GMDS: variants seen among roughly 807,000 people sequenced by gnomAD.
GMDS encodes the protein GDP-mannose 4,6 dehydratase.
A neutral mutation model predicts 49.9 loss-of-function variants in GMDS; 20 were observed. The ratio of observed to expected loss-of-function variants is 0.40; its 90% CI spans 0.28 to 0.58. The LOEUF (loss-of-function observed/expected upper bound fraction) is 0.58, where lower values mean the gene tolerates loss of function less well. Ranked by LOEUF, GMDS falls within the 20% of genes least tolerant of loss-of-function variation. The probability of loss-of-function intolerance (pLI) is 0.42; values close to 1 mark genes in which losing one functional copy is unlikely to be tolerated. For missense variants in GMDS, 362 were observed against 481.4 expected (o/e 0.75, Z 2.32); for synonymous variants, 177 against 178.6 (o/e 0.99, Z 0.07).
intron 4 of GMDS, among the ~76,000 whole-genome samples, chr6:2,112,040 C>A (rs56951103): frequency 0.023 from 3,541 of 152,260 alleles, 155 homozygotes; most frequent in African/African-American, 0.081. Flanking sequence ...CCCTTCCCCA[C>A]GCCCGCTCTG....
At chr6:1,959,818 G>T in intron 6 of GMDS, 49 bp downstream of exon 6, 1 of 1,084,528 alleles carries the variant, frequency 9.2e-7, no homozygotes, top group Non-Finnish European at 1.4e-6. Flanking sequence ...GCAACTTGTT[G>T]TTGTTGTTCA....
At chr6:1,967,518 T>C (rs1273739382) in intron 4 of GMDS, among the ~76,000 whole-genome samples, 5 of 152,198 alleles carry the variant, frequency 3.3e-5, no homozygotes, top group African/African-American at 1.2e-4. Context: ...GCAAGACAGA[T>C]AAAACTCTCT....
chr6:1,900,310 T>C (rs1048058649), intron 7 of GMDS, among the ~76,000 whole-genome samples: 5 of 152,206 alleles, frequency 3.3e-5, no homozygotes, highest in South Asian at 4.1e-4. Context: ...TGAGGCGTTA[T>C]CATGCAGAGT....
intron 7 of GMDS, among the ~76,000 whole-genome samples, chr6:1,790,207 A>T (rs1769480607): frequency 6.6e-6 from 1 of 152,220 alleles, no homozygotes; most frequent in African/African-American, 2.4e-5. Flanking sequence ...GACAGCTCAG[A>T]AAGAAATTTT....
intron 1 of GMDS, among the ~76,000 whole-genome samples, chr6:2,150,520 A>G (rs1394841692): frequency 6.6e-6 from 1 of 152,236 alleles, no homozygotes; most frequent in Non-Finnish European, 1.5e-5. Flanking sequence ...GTATCAGATT[A>G]GCTTTACCAT....
chr6:2,132,878 G>A (rs533864879), intron 1 of GMDS, among the ~76,000 whole-genome samples: 2 of 152,172 alleles, frequency 1.3e-5, no homozygotes, highest in Non-Finnish European at 2.9e-5. Context: ...CATTAATAAA[G>A]ATTTGTACAG....
intron 9 of GMDS, among the ~76,000 whole-genome samples, chr6:1,682,460 C>T (rs1764821372): frequency 6.6e-6 from 1 of 152,226 alleles, no homozygotes; most frequent in Non-Finnish European, 1.5e-5. Context: ...CATGCTGGTG[C>T]CATTGCCACT....
chr6:2,024,413 T>C (rs1187643755), intron 4 of GMDS, among the ~76,000 whole-genome samples: 1 of 152,064 alleles, frequency 6.6e-6, no homozygotes, highest in African/African-American at 2.4e-5. Context: ...ATTACCAGCC[T>C]TATTTAAAAA....
chr6:2,131,861 C>G (rs953720010), intron 1 of GMDS, among the ~76,000 whole-genome samples: 1 of 151,070 alleles, frequency 6.6e-6, no homozygotes, highest in Non-Finnish European at 1.5e-5. Context: ...TCCTCTCCCT[C>G]CCTCCATCCC....
intron 7 of GMDS, among the ~76,000 whole-genome samples, chr6:1,883,537 T>C (rs946126758): frequency 6.6e-6 from 1 of 152,150 alleles, no homozygotes; most frequent in Admixed American, 6.5e-5. Flanking sequence ...CTTCCACATA[T>C]ATTATAAAAT....
chr6:2,160,010 C>T (rs192624124), intron 1 of GMDS, among the ~76,000 whole-genome samples: 10 of 152,080 alleles, frequency 6.6e-5, no homozygotes, highest in Admixed American at 2.0e-4. Context: ...AAATTAACAA[C>T]GAAACCTACA....
intron 4 of GMDS, among the ~76,000 whole-genome samples, chr6:2,108,258 A>C (rs541004228): frequency 6.6e-6 from 1 of 152,316 alleles, no homozygotes; most frequent in South Asian, 2.1e-4. Context: ...GAATAGGAAC[A>C]AGCTGCTCAT....
intron 7 of GMDS, among the ~76,000 whole-genome samples, chr6:1,832,120 C>T (rs994426176): frequency 4.0e-5 from 6 of 151,520 alleles, no homozygotes; most frequent in African/African-American, 1.2e-4. Flanking sequence ...TCTGGGAGGC[C>T]AAGGTGGGAG....
chr6:1,995,225 C>T (rs776050163), intron 4 of GMDS, among the ~76,000 whole-genome samples: 1 of 152,074 alleles, frequency 6.6e-6, no homozygotes, highest in Non-Finnish European at 1.5e-5. Flanking sequence ...TGCCACAGAT[C>T]GTTTACAGTG....
chr6:1,708,485 T>C (rs80018392), intron 9 of GMDS, among the ~76,000 whole-genome samples: 3,464 of 152,328 alleles, frequency 0.023, 148 homozygotes, highest in African/African-American at 0.08. Context: ...TGCCCGGGGC[T>C]AAGTCAGTCA....
At chr6:1,994,826 A>C (rs937570458) in intron 4 of GMDS, among the ~76,000 whole-genome samples, 1 of 152,110 alleles carries the variant, frequency 6.6e-6, no homozygotes, top group African/African-American at 2.4e-5. Flanking sequence ...AAGAAGAAAA[A>C]CTGATAACTC....
chr6:1,726,477 C>T lies in GMDS; in HGVS notation c.926G>A (p.Cys309Tyr), dbSNP rs1183279275. The T allele has an allele frequency of 6.2e-6, 10 of 1,613,324 alleles. No homozygotes were observed. Among genetic ancestry groups the T allele is most frequent in the Non-Finnish European group, 8.5e-6 (10 of 1,179,302 alleles). ...CACGTGAACTTTGCCGGTCTCTTTA[C>T]ATCTGCCCACTTCATTTTCATTCTT... ...EGKNENEVGRCKETGKVHVTV... is the reference protein window; with the variant it reads ...EGKNENEVGRYKETGKVHVTV... The change falls in exon 9 of 11, where the codon TGT (cysteine) becomes TAT (tyrosine). Residue 309 changes from cysteine (C) to tyrosine (Y), a missense_variant. Physicochemically the swap from Cys to Tyr is radical, Grantham distance 194. Transcript: ENST00000380815.
intron 7 of GMDS, among the ~76,000 whole-genome samples, chr6:1,783,409 T>A (rs138963244): frequency 6.6e-6 from 1 of 152,290 alleles, no homozygotes; most frequent in Non-Finnish European, 1.5e-5. Flanking sequence ...AAATTATACA[T>A]CCCTTGAGGG....
intron 8 of GMDS, among the ~76,000 whole-genome samples, chr6:1,731,164 G>A (rs1766788744): frequency 1.3e-5 from 2 of 152,204 alleles, no homozygotes; most frequent in Admixed American, 1.3e-4. Context: ...AGATACAGTT[G>A]AGGAAATCTA....
Sources: gnomAD v4.1 joint callset for allele counts (sites outside exome capture counted in the v4.1 genomes callset) on GRCh38, gnomAD v4.1.1 for gene constraint, MANE v1.5 for transcripts, NCBI Gene and HGNC (gene_info 2026-07-23, HGNC 2026-07-21) for gene names.